The following ZNF680 variants were observed in gnomAD, a reference collection of about 807,000 sequenced individuals.
ZNF680 encodes hypothetical protein FLJ90430.
A neutral mutation model predicts 12.1 loss-of-function variants in ZNF680; 6 were observed. The ratio of observed to expected loss-of-function variants is 0.49; its 90% CI spans 0.27 to 0.98. The LOEUF (loss-of-function observed/expected upper bound fraction) is 0.98, where lower values mean the gene tolerates loss of function less well. ZNF680 is among the 50% of genes least tolerant of loss of function. The probability of loss-of-function intolerance (pLI) is 0.12; values close to 1 mark genes in which losing one functional copy is unlikely to be tolerated. For missense variants in ZNF680, 561 were observed against 616.3 expected, an observed-to-expected ratio of 0.91 and a Z score of 0.95; for synonymous variants, 170 against 199.3, an observed-to-expected ratio of 0.85 and a Z score of 1.24.
intron 3 of ZNF680, chr7:64,526,459 G>A: frequency 7.2e-7 from 1 of 1,395,108 alleles, no homozygotes; most frequent in Non-Finnish European, 9.7e-7. Context: ...GGGAGGCCAA[G>A]GCAGTAAGAT....
At chr7:64,549,998 CA>C (rs1786988850) in intron 1 of ZNF680, among the ~76,000 whole-genome samples, 1 of 152,020 alleles carries the variant, frequency 6.6e-6, no homozygotes, top group South Asian at 2.1e-4. Context: ...AAAACAAAAA[CA>C]AAAAACTGAG....
downstream of ZNF680, among the ~76,000 whole-genome samples, chr7:64,515,338 C>T (rs1791328330): frequency 6.6e-6 from 1 of 151,660 alleles, no homozygotes; most frequent in Admixed American, 6.6e-5. Context: ...AAACTAGCAC[C>T]CCCCCCTAAA....
In ZNF680 at chr7:64,522,236, T is replaced by C. The variant is rs757354644; in HGVS notation, c.518A>G (p.Lys173Arg). 7 of 1,612,418 alleles carry C rather than the reference T, an allele frequency of 4.3e-6. No homozygotes were observed. Among genetic ancestry groups the C allele is most frequent in the African/African-American group, 1.3e-5 (1 of 74,902 alleles). ...FHKFSNSNSHKKRNTGKKVFK... is the reference protein window; with the variant it reads ...FHKFSNSNSHRKRNTGKKVFK... ...AACCTTCTTTCCAGTATTTCTTTTCTTATGACTGTTTGAATTTGAAAATTT... is the reference window on the plus strand; with the variant it reads ...AACCTTCTTTCCAGTATTTCTTTTCCTATGACTGTTTGAATTTGAAAATTT... Residue 173 changes from lysine (K) to arginine (R), a missense_variant, in exon 4 of 4, where the codon AAG (lysine) becomes AGG (arginine). Physicochemically the swap from Lys to Arg is conservative, Grantham distance 26. Transcript: ENST00000309683.
At chr7:64,513,771 G>C in the ZNF680 span, among the ~76,000 whole-genome samples, 1 of 151,812 alleles carries the variant, frequency 6.6e-6, no homozygotes, top group East Asian at 1.9e-4. Context: ...TCAGCCTCCT[G>C]GGTAGCTGGG....
At chr7:64,550,721 T>C (rs567553166) in intron 1 of ZNF680, among the ~76,000 whole-genome samples, 51 of 152,252 alleles carry the variant, frequency 3.3e-4, no homozygotes, top group African/African-American at 1.2e-3. Context: ...AAAGTGACTA[T>C]AGAGGACTAC....
intron 3 of ZNF680, among the ~76,000 whole-genome samples, chr7:64,533,233 T>C (rs1419734826): frequency 1.3e-5 from 2 of 152,170 alleles, no homozygotes; most frequent in Non-Finnish European, 2.9e-5. Flanking sequence ...ACTGTCACTG[T>C]TTGCTGGTGA....
chr7:64,501,475 AG>A, the ZNF680 span: 1 of 867,918 alleles, frequency 1.2e-6, no homozygotes, highest in South Asian at 1.3e-5. Context: ...AAAATTTAAA[AG>A]GAACAGAGCA....
intron 1 of ZNF680, among the ~76,000 whole-genome samples, chr7:64,550,841 TAG>T (rs142532799): frequency 0.039 from 5,942 of 152,250 alleles, 372 homozygotes; most frequent in East Asian, 0.32. Flanking sequence ...AAGGCCCCTC[TAG>T]AGTAAAGCTT....
chr7:64,560,362 T>C (rs1026785925), intron 1 of ZNF680, among the ~76,000 whole-genome samples: 1 of 152,048 alleles, frequency 6.6e-6, no homozygotes, highest in Non-Finnish European at 1.5e-5. Flanking sequence ...GATCCACCCC[T>C]CTTGGCATCC....
Position 64,521,682 on chromosome 7 carries a change from C to CTTTGCCACATTCTTCACA in ZNF680, c.1054_1071dup (p.Cys352_Lys357dup), listed in dbSNP as rs1350374422. ...GTAAGGTTTGCAAACTGGTTAAAAGCTTTGCCACATTCTTCACATTTGTAG... is the reference window on the plus strand; with the variant it reads ...GTAAGGTTTGCAAACTGGTTAAAAGCTTTGCCACATTCTTCACATTTGCCACATTCTTCACATTTGTAG... On this transcript the variant is annotated inframe_insertion, in exon 4 of 4. Coordinates refer to ENST00000309683, the MANE Select transcript of ZNF680 (RefSeq NM_178558.5). 1.2e-6 allele frequency: 2 copies of CTTTGCCACATTCTTCACA among 1,612,334 alleles called. No individual in the cohort carries two copies. Among genetic ancestry groups the CTTTGCCACATTCTTCACA allele is most frequent in the Admixed American group, 3.3e-5 (2 of 59,998 alleles).
chr7:64,530,070 A>C (rs934085308), intron 3 of ZNF680, among the ~76,000 whole-genome samples: 1 of 152,194 alleles, frequency 6.6e-6, no homozygotes, highest in African/African-American at 2.4e-5. Flanking sequence ...CATATGAAGG[A>C]AAGATATAGT....
At chr7:64,511,509 C>G in the ZNF680 span, among the ~76,000 whole-genome samples, 7 of 151,928 alleles carry the variant, frequency 4.6e-5, no homozygotes, top group South Asian at 1.5e-3. Context: ...AAACTGTTGT[C>G]CTCTAAAAAA....
At chr7:64,522,763 G>A (rs1791615764) in intron 3 of ZNF680, among the ~76,000 whole-genome samples, 2 of 151,858 alleles carry the variant, frequency 1.3e-5, no homozygotes. Flanking sequence ...CTTGTGAGTT[G>A]CAGTATAAAA....
At chr7:64,501,398 T>G in the ZNF680 span, 2 of 1,152,558 alleles carry the variant, frequency 1.7e-6, no homozygotes, top group Non-Finnish European at 2.6e-6. Context: ...GGAGATGACC[T>G]TTAGGCCATT....
chr7:64,532,635 G>A lies in ZNF680; in HGVS notation c.254-10135C>T, dbSNP rs561946501. On this transcript the variant is annotated intron_variant, in intron 3 of 3. Transcript: ENST00000309683. ...TACCAATCCTATTGACACTATTCCA[G>A]AAGACAGAGTAAGAGGGAACCCTCC... 4.6e-5 allele frequency among the ~76,000 whole-genome samples: 7 copies of A among 152,180 alleles called. No individual in the cohort carries two copies. In the South Asian group the frequency reaches 1.5e-3, roughly 32 times the overall value.
rs201430583 is a variant in ZNF680 at position 64,522,315 on chromosome 7, T to C, written c.439A>G (p.Arg147Gly). The C allele has an allele frequency of 1.2e-6, 2 of 1,612,946 alleles. No homozygotes were observed. Among genetic ancestry groups the C allele is most frequent in the African/African-American group, 2.7e-5 (2 of 74,988 alleles). ...TGAAATATTTTGCTCTGGGTAGTTCTCAAACATTGGTTAAGTTCATTATAA... is the reference window on the plus strand; with the variant it reads ...TGAAATATTTTGCTCTGGGTAGTTCCCAAACATTGGTTAAGTTCATTATAA... ...EGYNELNQCLRTTQSKIFQCD... is the reference protein window; with the variant it reads ...EGYNELNQCLGTTQSKIFQCD... Residue 147 changes from arginine (R) to glycine (G), a missense_variant, in exon 4 of 4, where the codon AGA becomes GGA. Transcript: ENST00000309683.
Position 64,522,138 on chromosome 7 carries a change from T to C in ZNF680, c.616A>G (p.Arg206Gly). 6.2e-7 allele frequency: 1 copy of C among 1,612,084 alleles called. No homozygotes were observed. Among genetic ancestry groups the C allele is most frequent in the Non-Finnish European group, 8.5e-7 (1 of 1,178,952 alleles). The change falls in exon 4 of 4, where the codon AGA becomes GGA. Residue 206 changes from arginine (R) to glycine (G), a missense_variant. Physicochemically the swap from Arg to Gly is moderately radical, Grantham distance 125. Coordinates refer to ENST00000309683, the MANE Select transcript of ZNF680 (RefSeq NM_178558.5). ...TCCTCACATTTGTAAGAATTCTCTC[T>C]AGTGTGAATTCTTATATGTTGTGTT... ...HLTQHIRIHT[R>G]ENSYKCEECG...
chr7:64,543,950 G>A, intron 2 of ZNF680, 148 bp from the exon 3 acceptor site: 1 of 737,544 alleles, frequency 1.4e-6, no homozygotes, highest in Non-Finnish European at 2.1e-6. Flanking sequence ...TAAATATTTA[G>A]AAAATACTTT....
At chr7:64,507,642 C>G in the ZNF680 span, among the ~76,000 whole-genome samples, 1 of 151,804 alleles carries the variant, frequency 6.6e-6, no homozygotes, top group African/African-American at 2.4e-5. Flanking sequence ...GCTGGGATTA[C>G]AGGTGTGAGC....
Sources: allele counts gnomAD v4.1 joint callset (sites outside exome capture counted in the v4.1 genomes callset), GRCh38; gene constraint gnomAD v4.1.1; transcripts MANE v1.5; gene names NCBI Gene and HGNC (gene_info 2026-07-23, HGNC 2026-07-21).